KATNBL1: variants seen among roughly 807,000 people sequenced by gnomAD.
KATNBL1 encodes the protein katanin regulatory subunit B1 like 1.
KATNBL1 carries 28 observed loss-of-function variants against 44.7 expected under a neutral mutation model. The ratio of observed to expected loss-of-function variants is 0.63; its 90% confidence interval spans 0.46 to 0.86. The LOEUF (loss-of-function observed/expected upper bound fraction) is 0.86. KATNBL1 is among the 40% of genes least tolerant of loss of function. The pLI, the probability that KATNBL1 is intolerant of heterozygous loss-of-function variation, is 0.00. For synonymous variants in KATNBL1, 78 were observed against 114.9 expected (o/e 0.68, Z 2.06); for missense variants, 272 against 350.7 (o/e 0.78, Z 1.79).
intron 1 of KATNBL1, among the ~76,000 whole-genome samples, chr15:34,176,792 A>C (rs1597447567): frequency 6.6e-6 from 1 of 152,236 alleles, no homozygotes; most frequent in Non-Finnish European, 1.5e-5. Context: ...GTAAAGTCTC[A>C]TTGCAAAGGA....
chr15:34,195,147 T>G (rs980982786), intron 1 of KATNBL1, among the ~76,000 whole-genome samples: 9 of 140,844 alleles, frequency 6.4e-5, no homozygotes, highest in Non-Finnish European at 1.4e-4. Context: ...CCTGCACTCA[T>G]ATGTTTATTG....
chr15:34,146,427 C>T (rs1356604704), intron 8 of KATNBL1: 1 of 189,778 alleles, frequency 5.3e-6, no homozygotes, highest in Non-Finnish European at 1.1e-5. Flanking sequence ...AAGGACCCCG[C>T]AGGGTGCCTC....
rs1354359176 is a variant in KATNBL1 at position 34,179,785 on chromosome 15, C to A, written c.-14-16095G>T. On this transcript the variant is annotated intron_variant, in intron 1 of 9. Transcript: ENST00000256544. ...TATTGTTGGTGGGATTATGGGTGCTCCCCCCCACCATCACTTAACATGTTT... is the reference window on the plus strand; with the variant it reads ...TATTGTTGGTGGGATTATGGGTGCTACCCCCCACCATCACTTAACATGTTT... 2.0e-5 allele frequency among the ~76,000 whole-genome samples: 3 copies of A among 152,070 alleles called. No individual in the cohort carries two copies. In the East Asian group the frequency reaches 5.8e-4, roughly 29 times the overall value.
At chr15:34,183,588 T>G (rs574784960) in intron 1 of KATNBL1, among the ~76,000 whole-genome samples, 9 of 152,162 alleles carry the variant, frequency 5.9e-5, no homozygotes, top group East Asian at 5.8e-4. Flanking sequence ...CTTGCCTCAC[T>G]CCAAAAGAAA....
chr15:34,202,567 T>C (rs982296248), intron 1 of KATNBL1, among the ~76,000 whole-genome samples: 2 of 152,202 alleles, frequency 1.3e-5, no homozygotes, highest in African/African-American at 2.4e-5. Flanking sequence ...ATATTAAGGT[T>C]TGAAAATGCC....
chr15:34,172,537 G>T (rs1374366678), intron 1 of KATNBL1, among the ~76,000 whole-genome samples: 1 of 152,250 alleles, frequency 6.6e-6, no homozygotes, highest in East Asian at 1.9e-4. Flanking sequence ...GATTACAGGT[G>T]TAAGCCACTG....
At chr15:34,147,130 T>C in intron 7 of KATNBL1, 70 bp downstream of exon 7, 1 of 920,434 alleles carries the variant, frequency 1.1e-6, no homozygotes, top group East Asian at 2.4e-5. Flanking sequence ...CAATCTACTA[T>C]GTACTCACAA....
intron 9 of KATNBL1, among the ~76,000 whole-genome samples, chr15:34,144,760 C>T (rs767592969): frequency 7.9e-5 from 12 of 152,088 alleles, no homozygotes; most frequent in East Asian, 7.7e-4. Context: ...TTAGTAGAAA[C>T]GGGGTTTCAC....
chr15:34,165,228 G>A (rs1888928482), intron 1 of KATNBL1, among the ~76,000 whole-genome samples: 1 of 152,192 alleles, frequency 6.6e-6, no homozygotes. Context: ...AGACACTTGT[G>A]GCTGGAGCTT....
intron 1 of KATNBL1, among the ~76,000 whole-genome samples, chr15:34,174,778 A>C (rs776232502): frequency 4.2e-4 from 63 of 151,622 alleles, no homozygotes; most frequent in Non-Finnish European, 8.5e-4. Context: ...CCTGGATGGG[A>C]CTATAGGTGC....
chr15:34,158,224 G>C (rs1365769071), intron 2 of KATNBL1, among the ~76,000 whole-genome samples: 1 of 152,302 alleles, frequency 6.6e-6, no homozygotes, highest in East Asian at 1.9e-4. Flanking sequence ...CACATAGCTT[G>C]AGGTCCCCAA....
chr15:34,175,113 A>AACACAC lies in KATNBL1; in HGVS notation c.-14-11429_-14-11424dup, dbSNP rs71119940. 6.4e-4 allele frequency among the ~76,000 whole-genome samples: 92 copies of AACACAC among 143,770 alleles called. 1 individual carries two copies. The highest frequency in any genetic ancestry group is 2.2e-3 in the African/African-American group (86 of 38,422). The allele number at this position is 143,770 out of a possible 152,430, so 94.3% of individuals were successfully genotyped here. A position where few individuals can be genotyped will look rare whatever the true frequency, so the allele number is the denominator to read the frequency against. On this transcript the variant is annotated intron_variant, in intron 1 of 9. Coordinates refer to ENST00000256544, the MANE Select transcript of KATNBL1 (RefSeq NM_024713.3). ...AAAATAATACAAATGTAAAATAAGCAACACACACACACACACACACACACA... is the reference window on the plus strand; with the variant it reads ...AAAATAATACAAATGTAAAATAAGCAACACACACACACACACACACACACACACACA...
At chr15:34,196,952 T>C (rs760580858) in intron 1 of KATNBL1, among the ~76,000 whole-genome samples, 3 of 152,250 alleles carry the variant, frequency 2.0e-5, no homozygotes, top group Admixed American at 1.3e-4. Context: ...AGCATTACAA[T>C]TAATTTCATG....
intron 4 of KATNBL1, among the ~76,000 whole-genome samples, chr15:34,149,138 A>T (rs954096110): frequency 2.6e-5 from 4 of 152,234 alleles, no homozygotes; most frequent in Admixed American, 2.0e-4. Flanking sequence ...ATTTAAATTT[A>T]TCTATTTATT....
At chr15:34,149,438 T>TTTG (rs1279988587) in intron 4 of KATNBL1, among the ~76,000 whole-genome samples, 9 of 152,162 alleles carry the variant, frequency 5.9e-5, no homozygotes, top group African/African-American at 2.2e-4. Context: ...CTTTTTTTTT[T>TTTG]TTGGAGACAG....
At chr15:34,190,894 A>C (rs1013341870) in intron 1 of KATNBL1, among the ~76,000 whole-genome samples, 11 of 152,138 alleles carry the variant, frequency 7.2e-5, no homozygotes, top group Non-Finnish European at 1.5e-4. Context: ...TGAGGATGCA[A>C]TTAGAAAAAT....
intron 9 of KATNBL1, among the ~76,000 whole-genome samples, chr15:34,143,567 CA>C (rs1173804654): frequency 6.6e-6 from 1 of 151,766 alleles, no homozygotes. Flanking sequence ...CCCTTTAGAG[CA>C]AGGTAATACG....
intron 1 of KATNBL1, among the ~76,000 whole-genome samples, chr15:34,172,935 A>G (rs1173445249): frequency 6.6e-6 from 1 of 152,228 alleles, no homozygotes; most frequent in Non-Finnish European, 1.5e-5. Flanking sequence ...TGTAAATTGT[A>G]CTTTGATAAA....
rs1292144594 is a variant in KATNBL1 at position 34,141,808 on chromosome 15, A to G, written c.*531T>C. On this transcript the variant is annotated 3_prime_UTR_variant, in exon 10 of 10. Transcript: ENST00000256544. ...AATTAAGGCATTTTACATACACAGT[A>G]TCTCAGTGTGAACAAAAAATGTTTA... is the stretch of plus-strand genomic sequence containing the variant. 6.6e-6 allele frequency: 1 copy of G among 152,528 alleles called. No homozygotes were observed. The highest frequency in any genetic ancestry group is 2.4e-5 in the African/African-American group (1 of 41,444). The allele number at this position is 152,528 out of a possible 1,614,324, so 9.4% of individuals were successfully genotyped here. A position where few individuals can be genotyped will look rare whatever the true frequency, so the allele number is the denominator to read the frequency against.
Sources: allele counts gnomAD v4.1 joint callset (sites outside exome capture counted in the v4.1 genomes callset), GRCh38; gene constraint gnomAD v4.1.1; transcripts MANE v1.5; gene names NCBI Gene and HGNC (gene_info 2026-07-23, HGNC 2026-07-21).